COBL: variants seen among roughly 807,000 people sequenced by gnomAD.
The protein encoded by COBL is protein cordon-bleu.
A neutral mutation model predicts 98.8 loss-of-function variants in COBL; 51 were observed. That is an observed-to-expected ratio of 0.52 (90% CI 0.41 to 0.65). The LOEUF (loss-of-function observed/expected upper bound fraction) is 0.65, where lower values mean the gene tolerates loss of function less well. COBL is among the 30% of genes least tolerant of loss of function. The pLI, the probability that COBL is intolerant of heterozygous loss-of-function variation, is 0.00. For synonymous variants in COBL, 634 were observed against 651.7 expected, an observed-to-expected ratio of 0.97 and a Z score of 0.41; for missense variants, 1,617 against 1,617.5, an observed-to-expected ratio of 1.00 and a Z score of 0.01.
At chr7:51,248,254 AC>A (rs1371285857) in intron 1 of COBL, among the ~76,000 whole-genome samples, 4 of 152,228 alleles carry the variant, frequency 2.6e-5, no homozygotes, top group Non-Finnish European at 5.9e-5. Flanking sequence ...ATATCATAAA[AC>A]TTACATATAA....
intron 6 of COBL, among the ~76,000 whole-genome samples, chr7:51,112,266 T>C (rs1796900780): frequency 2.6e-5 from 4 of 152,236 alleles, no homozygotes; most frequent in Admixed American, 2.0e-4. Context: ...TCATCACTGA[T>C]GGAAATTGTA....
chr7:51,313,678 C>A (rs182547408), intron 1 of COBL, among the ~76,000 whole-genome samples: 153 of 152,334 alleles, frequency 1.0e-3, no homozygotes, highest in African/African-American at 3.5e-3. Context: ...AAACAGCAAG[C>A]CTTCTTCTGT....
Position 51,193,608 on chromosome 7 carries a change from A to T in COBL, c.246-19T>A, listed in dbSNP as rs1358190154. ...CGCATGGCTGAAAAAAGGAAAACAAATCATGATTATTAGGAATGACTGCAC... is the reference window on the plus strand; with the variant it reads ...CGCATGGCTGAAAAAAGGAAAACAATTCATGATTATTAGGAATGACTGCAC... On this transcript the variant is annotated intron_variant, in intron 2 of 12. Transcript: ENST00000265136. The T allele has an allele frequency of 2.5e-6, 4 of 1,608,372 alleles. No individual in the cohort carries two copies. In the East Asian group the frequency reaches 8.9e-5, roughly 36 times the overall value.
chr7:51,061,579 C>A (rs564428942), intron 7 of COBL, among the ~76,000 whole-genome samples: 2 of 151,954 alleles, frequency 1.3e-5, no homozygotes, highest in Admixed American at 6.6e-5. Context: ...AAGGGGTGTT[C>A]GGGTACGTGG....
chr7:51,029,835 T>C lies in COBL; in HGVS notation c.1505-244A>G, dbSNP rs181046742. On this transcript the variant is annotated intron_variant, in intron 9 of 12. Transcript: ENST00000265136. ...GGCAAGGTATTCAGTTACAATGTGC[T>C]GCCAACATCCTTCACTTAAAAAACT... is the stretch of plus-strand genomic sequence containing the variant. Among the ~76,000 whole-genome samples, 83 of 152,374 alleles carry C rather than the reference T, an allele frequency of 5.4e-4. 1 individual carries two copies. Among genetic ancestry groups the C allele is most frequent in the Middle Eastern group, 3.4e-3 (1 of 294 alleles).
chr7:51,221,807 A>G (rs573521092), intron 1 of COBL, among the ~76,000 whole-genome samples: 12 of 152,350 alleles, frequency 7.9e-5, no homozygotes, highest in Admixed American at 1.3e-4. Flanking sequence ...ATTTAAAACG[A>G]CAGCAAAAGT....
chr7:51,238,702 C>A (rs537717001), intron 1 of COBL, among the ~76,000 whole-genome samples: 1 of 152,268 alleles, frequency 6.6e-6, no homozygotes, highest in Non-Finnish European at 1.5e-5. Flanking sequence ...GTGTATCCAG[C>A]AGCCTCCCAG....
chr7:51,114,226 G>A (rs1235879534), intron 6 of COBL, among the ~76,000 whole-genome samples: 2 of 152,070 alleles, frequency 1.3e-5, no homozygotes, highest in Non-Finnish European at 2.9e-5. Context: ...TAACACAACA[G>A]CAGAACCCCC....
At chr7:51,038,824 C>G (rs1398633507) in intron 8 of COBL, among the ~76,000 whole-genome samples, 1 of 152,234 alleles carries the variant, frequency 6.6e-6, no homozygotes, top group Non-Finnish European at 1.5e-5. Flanking sequence ...CCTTGCCAGC[C>G]AGACAGAGGG....
At chr7:51,298,158 C>T (rs1244592568) in intron 1 of COBL, among the ~76,000 whole-genome samples, 1 of 152,184 alleles carries the variant, frequency 6.6e-6, no homozygotes, top group African/African-American at 2.4e-5. Flanking sequence ...CTCAGGCATA[C>T]GGAGAGGCCA....
chr7:51,215,806 G>A, intron 2 of COBL, among the ~76,000 whole-genome samples: 1 of 152,186 alleles, frequency 6.6e-6, no homozygotes, highest in East Asian at 1.9e-4. Flanking sequence ...ACCTTCACAG[G>A]ACAGAGAGGG....
In COBL at chr7:51,227,061, G is replaced by T. The variant is rs537131018; in HGVS notation, c.42-7117C>A. 4.6e-5 allele frequency among the ~76,000 whole-genome samples: 7 copies of T among 152,258 alleles called. No individual in the cohort carries two copies. In the South Asian group the frequency reaches 1.5e-3, roughly 32 times the overall value. On this transcript the variant is annotated intron_variant, in intron 1 of 12. Transcript: ENST00000265136. ...TTGAAAACAAGCACCGGGGTTCCTG[G>T]CAGACTGATGCTAGGATGTTTGGAC... is the stretch of plus-strand genomic sequence containing the variant.
At chr7:51,299,027 C>G (rs1315202132) in intron 1 of COBL, among the ~76,000 whole-genome samples, 1 of 152,232 alleles carries the variant, frequency 6.6e-6, no homozygotes, top group South Asian at 2.1e-4. Flanking sequence ...TTTCCTCACC[C>G]ATGAATGGCA....
At chr7:51,234,166 A>G (rs1188138368) in intron 1 of COBL, among the ~76,000 whole-genome samples, 2 of 152,196 alleles carry the variant, frequency 1.3e-5, no homozygotes, top group African/African-American at 4.8e-5. Flanking sequence ...TGAAAATATG[A>G]CACTTGATCA....
intron 6 of COBL, among the ~76,000 whole-genome samples, chr7:51,092,871 C>T (rs533192161): frequency 2.8e-4 from 43 of 152,158 alleles, no homozygotes; most frequent in East Asian, 1.2e-3. Context: ...TTGGGTAGTA[C>T]GGACATTTTA....
intron 5 of COBL, among the ~76,000 whole-genome samples, chr7:51,141,104 A>C (rs1799702141): frequency 6.6e-6 from 1 of 151,980 alleles, no homozygotes; most frequent in African/African-American, 2.4e-5. Flanking sequence ...CTGTACCTGA[A>C]ATCTTTCTGT....
At chr7:51,082,911 G>T in intron 7 of COBL, 1 of 733,454 alleles carries the variant, frequency 1.4e-6, no homozygotes, top group Non-Finnish European at 2.3e-6. Context: ...CAGACACACT[G>T]CATTCAGCAT....
In COBL at chr7:51,316,611, G is replaced by A. The variant is rs1463538430; in HGVS notation, c.23C>T (p.Ala8Val). Residue 8 changes from alanine (A) to valine (V), a missense_variant, in exon 1 of 13, where the codon GCG becomes GTG. Transcript: ENST00000265136. ...CGCTTACCCGGTCGGGGGCTTGGCC[G>A]CCGAGGCGCGCGGCGCGTCCATGGT... MDAPRASAAKPPTGRKMK... is the reference protein window; with the variant it reads MDAPRASVAKPPTGRKMK... 1.0e-5 allele frequency: 12 copies of A among 1,203,494 alleles called. No individual in the cohort carries two copies. The highest frequency in any genetic ancestry group is 1.0e-6 in the Non-Finnish European group (1 of 969,868). 74.6% of individuals were successfully genotyped at this position (1,203,494 alleles called of 1,614,324 possible).
chr7:51,255,221 T>C (rs1412364203), intron 1 of COBL, among the ~76,000 whole-genome samples: 2 of 152,166 alleles, frequency 1.3e-5, no homozygotes, highest in Non-Finnish European at 2.9e-5. Flanking sequence ...AGCGACCTCC[T>C]TCAGCTGTTA....
Sources: allele counts gnomAD v4.1 joint callset (sites outside exome capture counted in the v4.1 genomes callset), GRCh38; gene constraint gnomAD v4.1.1; transcripts MANE v1.5; gene names NCBI Gene and HGNC (gene_info 2026-07-23, HGNC 2026-07-21).